The following DNASE1 variants were observed in gnomAD, a reference collection of about 807,000 sequenced individuals.
The protein encoded by DNASE1 is deoxyribonuclease-1.
DNASE1 carries 40 observed loss-of-function variants against 33.9 expected under a neutral mutation model. The observed-to-expected ratio is 1.18, with a 90% CI of 0.92 to 1.54. The LOEUF (loss-of-function observed/expected upper bound fraction) is 1.54. Among genes scored for constraint, DNASE1 ranks in the 40% most tolerant of loss-of-function variants. The pLI, the probability that DNASE1 is intolerant of heterozygous loss-of-function variation, is 0.00. For synonymous variants in DNASE1, 216 were observed against 160.0 expected (o/e 1.35, Z -2.64); for missense variants, 518 against 372.6 (o/e 1.39, Z -3.21).
intron 1 of DNASE1, among the ~76,000 whole-genome samples, chr16:3,624,795 C>G (rs574485767): frequency 3.5e-4 from 54 of 152,332 alleles, no homozygotes; most frequent in African/African-American, 1.3e-3. Flanking sequence ...GTCCTCCCAC[C>G]TCAGCCTGTA....
At chr16:3,654,175 C>T (rs192745107), upstream of DNASE1, 808 of 395,480 alleles carry the variant, frequency 2.0e-3, no homozygotes, top group Admixed American at 3.0e-3. Flanking sequence ...TGGCCTTTAG[C>T]TGCTGCCCTG....
At chr16:3,618,244 A>G (rs909390450) in intron 1 of DNASE1, among the ~76,000 whole-genome samples, 1 of 150,218 alleles carries the variant, frequency 6.7e-6, no homozygotes, top group Non-Finnish European at 1.5e-5. Context: ...TAGGACAGCC[A>G]TTTCCTAAAA....
At chr16:3,630,590 G>C (rs2151176678) in intron 1 of DNASE1, among the ~76,000 whole-genome samples, 1 of 152,056 alleles carries the variant, frequency 6.6e-6, no homozygotes, top group South Asian at 2.1e-4. Context: ...TTTATATAAT[G>C]TCCTTTTTTA....
At chr16:3,663,600 G>A in exon 10 of DNASE1, 4 of 1,610,966 alleles carry the variant, frequency 2.5e-6, no homozygotes, top group South Asian at 2.2e-5. Flanking sequence ...AGACCCCGGG[G>A]GCCTCCAGCC....
intron 4 of DNASE1, 116 bp from the exon 5 acceptor site, chr16:3,656,522 A>G: frequency 1.4e-6 from 1 of 720,698 alleles, no homozygotes; most frequent in Non-Finnish European, 2.5e-6. Flanking sequence ...TGGGTTGAGC[A>G]GGTGCCTGGC....
chr16:3,657,817 G>C lies in DNASE1; in HGVS notation c.801+1G>C, dbSNP rs147721340. The C allele has an allele frequency of 1.5e-5, 25 of 1,613,978 alleles. No individual in the cohort carries two copies. In the African/African-American group the frequency reaches 2.1e-4, roughly 14 times the overall value. On this transcript the variant is annotated splice_donor_variant, in intron 8 of 8. Coordinates refer to ENST00000246949, the MANE Select transcript of DNASE1 (RefSeq NM_005223.4). LOFTEE classifies it high-confidence loss of function. The stretch of plus-strand genomic sequence containing the variant: ...TGCCTATGGCCTGAGTGACCAACTG[G>C]TATGTGTCCTCCCTTGCACAGCCAC...
intron 1 of DNASE1, among the ~76,000 whole-genome samples, chr16:3,632,022 C>A (rs1005081130): frequency 6.6e-6 from 1 of 152,152 alleles, no homozygotes; most frequent in African/African-American, 2.4e-5. Flanking sequence ...GCTTCATCTC[C>A]ACCCCTTTCA....
chr16:3,623,047 C>T lies in DNASE1; in HGVS notation c.-1359+11041C>T, dbSNP rs538379507. On this transcript the variant is annotated intron_variant and NMD_transcript_variant, in intron 1 of 11. Coordinates refer to the DNASE1 transcript ENST00000570769. ...TCTCTAATGTACCTGCCCCCCACGT[C>T]CCCCCAAAAAAATTAGCTGGGCATG... Among the ~76,000 whole-genome samples, 14 of 152,116 alleles carry T rather than the reference C, an allele frequency of 9.2e-5. No homozygotes were observed. In the East Asian group the frequency reaches 2.7e-3, roughly 29 times the overall value.
At chr16:3,644,169 G>C (rs989602435) in intron 1 of DNASE1, among the ~76,000 whole-genome samples, 2 of 152,242 alleles carry the variant, frequency 1.3e-5, no homozygotes, top group Non-Finnish European at 2.9e-5. Flanking sequence ...TCAGCCAGGT[G>C]CAGTAGCTCA....
At chr16:3,632,892 C>T (rs961802999) in intron 1 of DNASE1, among the ~76,000 whole-genome samples, 6 of 152,154 alleles carry the variant, frequency 3.9e-5, no homozygotes, top group African/African-American at 1.4e-4. Flanking sequence ...AGCCTCATCT[C>T]TTTAATTGTA....
chr16:3,617,400 C>T (rs1323275217), intron 1 of DNASE1, among the ~76,000 whole-genome samples: 1 of 147,354 alleles, frequency 6.8e-6, no homozygotes, highest in African/African-American at 2.5e-5. Context: ...TGGCAGTAGA[C>T]TCTAGATATG....
intron 1 of DNASE1, among the ~76,000 whole-genome samples, chr16:3,648,102 G>A (rs1242140860): frequency 1.3e-5 from 2 of 152,138 alleles, no homozygotes; most frequent in Non-Finnish European, 2.9e-5. Flanking sequence ...TGGGAGGCCG[G>A]AGGTTGCAGT....
downstream of DNASE1, chr16:3,658,609 G>A: frequency 4.9e-6 from 3 of 615,902 alleles, no homozygotes; most frequent in South Asian, 2.0e-5. Context: ...GGAGGCAGAG[G>A]TTGTAGTGAG....
In DNASE1 at chr16:3,613,737, TTC is replaced by T. The variant is rs1398482235; in HGVS notation, c.-1359+1735_-1359+1736del. ...GAGAGGCCAGTGCTGTTGAAATAAT[TTC>T]TCTTTCCTTCCTTCCCTTCCTTGCT... is the stretch of plus-strand genomic sequence containing the variant. On this transcript the variant is annotated intron_variant and NMD_transcript_variant, in intron 1 of 11. Coordinates refer to the DNASE1 transcript ENST00000570769. 1.1e-4 allele frequency among the ~76,000 whole-genome samples: 16 copies of T among 151,868 alleles called. No individual in the cohort carries two copies. In the East Asian group the frequency reaches 2.9e-3, roughly 28 times the overall value.
chr16:3,656,879 C>T, intron 5 of DNASE1, 120 bp from the exon 6 acceptor site: 1 of 1,543,746 alleles, frequency 6.5e-7, no homozygotes, highest in Non-Finnish European at 8.7e-7. Flanking sequence ...GTTTTCCATT[C>T]AAGTCATTTG....
intron 1 of DNASE1, among the ~76,000 whole-genome samples, chr16:3,619,809 C>T (rs892269203): frequency 3.3e-5 from 5 of 152,182 alleles, no homozygotes; most frequent in Non-Finnish European, 7.3e-5. Context: ...CCACGCCTGG[C>T]CCTCAGTATT....
intron 1 of DNASE1, among the ~76,000 whole-genome samples, chr16:3,645,899 G>C (rs2042159488): frequency 6.6e-6 from 1 of 152,236 alleles, no homozygotes; most frequent in African/African-American, 2.4e-5. Context: ...TCCTGCTCAG[G>C]TTGTGGGACA....
downstream of DNASE1, chr16:3,658,097 C>G (rs2042819224): frequency 1.9e-6 from 3 of 1,611,842 alleles, no homozygotes; most frequent in Non-Finnish European, 2.5e-6. Flanking sequence ...GGGCTGTCAT[C>G]TGTGGTGTCA....
At position 3,657,247 on chromosome 16, in the gene DNASE1, TCATC is replaced by T; in HGVS notation, c.616_619del (p.Ile206AlafsTer11). 2 of 1,613,952 alleles carry T rather than the reference TCATC, an allele frequency of 1.2e-6. No individual in the cohort carries two copies. Among genetic ancestry groups the T allele is most frequent in the Non-Finnish European group, 1.7e-6 (2 of 1,179,996 alleles). On this transcript the variant is annotated frameshift_variant, in exon 7 of 9. Transcript: ENST00000246949. LOFTEE classifies it high-confidence loss of function. ...CAGCTATGTGAGACCCTCCCAGTGG[TCATC>T]CATCCGCCTGTGGACAAGCCCCACC...
Sources: allele counts gnomAD v4.1 joint callset (sites outside exome capture counted in the v4.1 genomes callset), GRCh38; gene constraint gnomAD v4.1.1; transcripts MANE v1.5; gene names NCBI Gene and HGNC (gene_info 2026-07-23, HGNC 2026-07-21).